The following GAL3ST2 variants were observed in gnomAD, a reference collection of about 807,000 sequenced individuals.
GAL3ST2 encodes beta-galactose-3-O-sulfotransferase 2.
Under a neutral mutation model 12.9 loss-of-function variants are expected in GAL3ST2, and 16 were observed. That is an observed-to-expected ratio of 1.24 (90% confidence interval 0.84 to 1.88). The LOEUF (loss-of-function observed/expected upper bound fraction) is 1.88, where lower values mean the gene tolerates loss of function less well. Among genes scored for constraint, GAL3ST2 ranks in the 40% most tolerant of loss-of-function variants. GAL3ST2 has a pLI of 0.00. For missense variants in GAL3ST2, 639 were observed against 571.8 expected (o/e 1.12, Z -1.20); for synonymous variants, 302 against 273.9 (o/e 1.10, Z -1.01).
At chr2:241,803,239 GGGGGT>G (rs1026014477) in intron 3 of GAL3ST2, 101 bp from the exon 4 acceptor site, 2 of 880,004 alleles carry the variant, frequency 2.3e-6, no homozygotes, top group Non-Finnish European at 3.4e-6. Flanking sequence ...ATGTGAGGAT[GGGGGT>G]GCTCCTTGAG....
Position 241,801,488 on chromosome 2 carries a change from A to C in GAL3ST2, c.120-293A>C, listed in dbSNP as rs1014541558. 7 of 494,974 alleles carry C rather than the reference A, an allele frequency of 1.4e-5. No homozygotes were observed. The highest frequency in any genetic ancestry group is 2.5e-5 in the Non-Finnish European group (7 of 278,434). The allele number at this position is 494,974 out of a possible 1,614,324, so 30.7% of individuals were successfully genotyped here. On this transcript the variant is annotated intron_variant, in intron 2 of 3. Coordinates refer to ENST00000192314, the MANE Select transcript of GAL3ST2 (RefSeq NM_022134.3). The surrounding 1 kb of genome is among the most constrained non-coding windows in gnomAD (Gnocchi z 4.4). ...GGTGGGTCTGGGGTCCCCTTGGCCAAGATGGGGTTCATTTAGGGTTTTATT... is the reference window on the plus strand; with the variant it reads ...GGTGGGTCTGGGGTCCCCTTGGCCACGATGGGGTTCATTTAGGGTTTTATT...
chr2:241,803,890 G>C lies in GAL3ST2; in HGVS notation c.921G>C (p.Val307=). 7.1e-7 allele frequency: 1 copy of C among 1,417,858 alleles called. No homozygotes were observed. Among genetic ancestry groups the C allele is most frequent in the Non-Finnish European group, 9.1e-7 (1 of 1,094,352 alleles). The allele number at this position is 1,417,858 out of a possible 1,614,324, so 87.8% of individuals were successfully genotyped here. ...ELGPRRLRGE[V]ERLRARRREL... ...GGCCGCGGCGGCTGCGCGGGGAGGT[G>C]GAGCGGCTGCGCGCCCGGAGGCGCG... The change falls in exon 4 of 4, where the codon GTG becomes GTC. Residue 307 remains valine, a synonymous_variant. Coordinates refer to ENST00000192314, the MANE Select transcript of GAL3ST2 (RefSeq NM_022134.3).
At position 241,801,916 on chromosome 2, in the gene GAL3ST2, C is replaced by T. The variant is rs780881563; in HGVS notation, c.255C>T (p.Pro85=). The T allele has an allele frequency of 7.4e-6, 12 of 1,612,856 alleles. No individual in the cohort carries two copies. Among genetic ancestry groups the T allele is most frequent in the East Asian group, 4.5e-5 (2 of 44,880 alleles). Residue 85 remains proline (P), a synonymous_variant, in exon 3 of 4, where the codon CCC becomes CCT. Coordinates refer to ENST00000192314, the MANE Select transcript of GAL3ST2 (RefSeq NM_022134.3). This position sits in a 1 kb window ranked among gnomAD's most constrained non-coding sequence, Gnocchi z 4.4. ...AETHNLSVAL[P]AGSRVHLGYP... is the part of the protein sequence containing the mutation. Reference sequence around the variant, plus strand: ...CCCACAACCTGTCCGTGGCGCTGCCCGCCGGCTCACGCGTCCACCTGGGCT... The same window carrying T: ...CCCACAACCTGTCCGTGGCGCTGCCTGCCGGCTCACGCGTCCACCTGGGCT...
intron 1 of GAL3ST2, among the ~76,000 whole-genome samples, chr2:241,790,731 G>A (rs1486597315): frequency 2.0e-5 from 3 of 152,186 alleles, no homozygotes; most frequent in Admixed American, 1.3e-4. Flanking sequence ...ACATTCTATA[G>A]AGAATCACCT....
At chr2:241,796,118 G>A (rs1161624079) in intron 1 of GAL3ST2, among the ~76,000 whole-genome samples, 1 of 152,230 alleles carries the variant, frequency 6.6e-6, no homozygotes, top group Non-Finnish European at 1.5e-5. Context: ...CACCCTTGGT[G>A]TGGAAGAAAG....
At chr2:241,794,766 G>C (rs1456463581) in intron 1 of GAL3ST2, among the ~76,000 whole-genome samples, 1 of 152,196 alleles carries the variant, frequency 6.6e-6, no homozygotes, top group Non-Finnish European at 1.5e-5. Context: ...CTTGAGGGGA[G>C]GGTCTTTGGG....
Position 241,800,497 on chromosome 2 carries a change from T to C in GAL3ST2, c.120-1284T>C, listed in dbSNP as rs544700600. 6.6e-6 allele frequency among the ~76,000 whole-genome samples: 1 copy of C among 152,316 alleles called. No homozygotes were observed. The highest frequency in any genetic ancestry group is 2.4e-5 in the African/African-American group (1 of 41,564). ...CTGAACAAACAGGTGTGTTACTTAC[T>C]TGTGACCCACGTTCACCTTGGGGTG... On this transcript the variant is annotated intron_variant, in intron 2 of 3. Transcript: ENST00000192314. This position sits in a 1 kb window ranked among gnomAD's most constrained non-coding sequence, Gnocchi z 5.2.
At chr2:241,782,399 C>T (rs1359528037) in intron 1 of GAL3ST2, among the ~76,000 whole-genome samples, 1 of 152,064 alleles carries the variant, frequency 6.6e-6, no homozygotes, top group Non-Finnish European at 1.5e-5. Context: ...AATTTCAGCT[C>T]ACTGCAACCT....
chr2:241,804,277 C>T lies in GAL3ST2; in HGVS notation c.*111C>T. 1 of 931,404 alleles carries T rather than the reference C, an allele frequency of 1.1e-6. No individual in the cohort carries two copies. The highest frequency in any genetic ancestry group is 1.5e-6 in the Non-Finnish European group (1 of 672,756). The allele number at this position is 931,404 out of a possible 1,614,324, so 57.7% of individuals were successfully genotyped here. A position where few individuals can be genotyped will look rare whatever the true frequency, so the allele number is the denominator to read the frequency against. ...TTCTGGGGCGTTGGGAAACCCAGGC[C>T]CGCCGGCCACGGCTCTAAAATGAAG... On this transcript the variant is annotated 3_prime_UTR_variant, in exon 4 of 4. Coordinates refer to ENST00000192314, the MANE Select transcript of GAL3ST2 (RefSeq NM_022134.3).
At position 241,801,834 on chromosome 2, in the gene GAL3ST2, A is replaced by G; in HGVS notation, c.173A>G (p.Lys58Arg). The G allele has an allele frequency of 6.2e-7, 1 of 1,612,906 alleles. No individual in the cohort carries two copies. Among genetic ancestry groups the G allele is most frequent in the East Asian group, 2.2e-5 (1 of 44,866 alleles). Residue 58 changes from lysine (K) to arginine (R), a missense_variant, in exon 3 of 4, where the codon AAG becomes AGG. Coordinates refer to ENST00000192314, the MANE Select transcript of GAL3ST2 (RefSeq NM_022134.3). The surrounding 1 kb of genome is among the most constrained non-coding windows in gnomAD (Gnocchi z 4.4). ...GPPVTNIMFL[K>R]THKTASSTVL... Reference sequence around the variant, plus strand: ...CCGGTCACCAACATCATGTTCCTGAAGACGCACAAGACGGCCAGCAGCACG... The same window carrying G: ...CCGGTCACCAACATCATGTTCCTGAGGACGCACAAGACGGCCAGCAGCACG...
At chr2:241,781,232 G>A (rs1044678110) in intron 1 of GAL3ST2, among the ~76,000 whole-genome samples, 5 of 152,130 alleles carry the variant, frequency 3.3e-5, no homozygotes, top group Admixed American at 2.0e-4. Flanking sequence ...ACAAAACAAA[G>A]GATCAGCAAT....
At position 241,801,108 on chromosome 2, in the gene GAL3ST2, C is replaced by T. The variant is rs1185011856; in HGVS notation, c.120-673C>T. 6.6e-6 allele frequency: 1 copy of T among 152,322 alleles called. No individual in the cohort carries two copies. The highest frequency in any genetic ancestry group is 2.4e-5 in the African/African-American group (1 of 41,380). The allele number at this position is 152,322 out of a possible 1,614,324, so 9.4% of individuals were successfully genotyped here. ...AGGTATTTGTCCTAATGCTTTCCTT[C>T]CCCTTACACCCCATCCCCGACAGGC... is the stretch of plus-strand genomic sequence containing the variant. On this transcript the variant is annotated intron_variant, in intron 2 of 3. Coordinates refer to ENST00000192314, the MANE Select transcript of GAL3ST2 (RefSeq NM_022134.3). This position sits in a 1 kb window ranked among gnomAD's most constrained non-coding sequence, Gnocchi z 4.4.
At chr2:241,789,985 A>T (rs1699675594) in intron 1 of GAL3ST2, among the ~76,000 whole-genome samples, 1 of 118,972 alleles carries the variant, frequency 8.4e-6, no homozygotes, top group Non-Finnish European at 1.7e-5. Flanking sequence ...TATAATTCTG[A>T]TATAACTTAG....
rs1293389627 is a variant in GAL3ST2 at position 241,793,400 on chromosome 2, A to G, written c.30-5665A>G. On this transcript the variant is annotated intron_variant, in intron 1 of 3. Coordinates refer to ENST00000192314, the MANE Select transcript of GAL3ST2 (RefSeq NM_022134.3). This position sits in a 1 kb window ranked among gnomAD's most constrained non-coding sequence, Gnocchi z 4.7. ...GTATTGTGTATGCATGTGTGTGTAT[A>G]TGTATGTATACATGTACGTGTGTAT... Among the ~76,000 whole-genome samples the G allele has an allele frequency of 6.6e-6, 1 of 150,976 alleles. No individual in the cohort carries two copies. Among genetic ancestry groups the G allele is most frequent in the African/African-American group, 2.4e-5 (1 of 40,952 alleles).
At position 241,801,558 on chromosome 2, in the gene GAL3ST2, GA is replaced by G. The variant is rs1195447634; in HGVS notation, c.120-222del. On this transcript the variant is annotated intron_variant, in intron 2 of 3. Transcript: ENST00000192314. This position sits in a 1 kb window ranked among gnomAD's most constrained non-coding sequence, Gnocchi z 4.4. Reference sequence around the variant, plus strand: ...GGGTTGGGGGAGCATGGTTACGGGAGACAGTTGGGGGAGTTTGTGTTCGGGC... The same window carrying G: ...GGGTTGGGGGAGCATGGTTACGGGAGCAGTTGGGGGAGTTTGTGTTCGGGC... 26 of 605,348 alleles carry G rather than the reference GA, an allele frequency of 4.3e-5. No homozygotes were observed. Among genetic ancestry groups the G allele is most frequent in the Non-Finnish European group, 6.9e-5 (24 of 345,554 alleles). The allele number at this position is 605,348 out of a possible 1,614,324, so 37.5% of individuals were successfully genotyped here. A position where few individuals can be genotyped will look rare whatever the true frequency, so the allele number is the denominator to read the frequency against.
In GAL3ST2 at chr2:241,800,079, G is replaced by T. The variant is rs559709872; in HGVS notation, c.119+925G>T. ...ACCAGGGAGAAGGCTGGGGTGATGT[G>T]TGGGCCAGAGTGTGTAGCCCCCGAG... On this transcript the variant is annotated intron_variant, in intron 2 of 3. Transcript: ENST00000192314. This position sits in a 1 kb window ranked among gnomAD's most constrained non-coding sequence, Gnocchi z 5.2. 2.7e-4 allele frequency among the ~76,000 whole-genome samples: 41 copies of T among 152,380 alleles called. No individual in the cohort carries two copies. Among genetic ancestry groups the T allele is most frequent in the African/African-American group, 9.9e-4 (41 of 41,600 alleles).
intron 1 of GAL3ST2, among the ~76,000 whole-genome samples, chr2:241,789,572 T>A (rs986843558): frequency 6.6e-6 from 1 of 152,216 alleles, no homozygotes; most frequent in Admixed American, 6.5e-5. Context: ...AAAAATATGG[T>A]CTTTATGGAT....
chr2:241,783,786 C>G (rs951574821), intron 1 of GAL3ST2, among the ~76,000 whole-genome samples: 9 of 152,232 alleles, frequency 5.9e-5, no homozygotes. Context: ...TCTGCCCTAA[C>G]TGACTCCTTG....
Position 241,803,574 on chromosome 2 carries a change from A to G in GAL3ST2, c.605A>G (p.Asn202Ser). 1 of 1,594,698 alleles carries G rather than the reference A, an allele frequency of 6.3e-7. No homozygotes were observed. Among genetic ancestry groups the G allele is most frequent in the Non-Finnish European group, 8.5e-7 (1 of 1,170,242 alleles). The change falls in exon 4 of 4, where the codon AAC becomes AGC. Residue 202 changes from asparagine (N) to serine (S), a missense_variant. By Grantham distance (46) the Asn-to-Ser change is conservative. Coordinates refer to ENST00000192314, the MANE Select transcript of GAL3ST2 (RefSeq NM_022134.3). ...NMWFDFGFDP[N>S]AQCEEGYVRA... ...TGGTTCGACTTCGGCTTCGACCCCAACGCGCAGTGCGAGGAGGGCTACGTG... is the reference window on the plus strand; with the variant it reads ...TGGTTCGACTTCGGCTTCGACCCCAGCGCGCAGTGCGAGGAGGGCTACGTG...
Sources: gnomAD v4.1 joint callset for allele counts (sites outside exome capture counted in the v4.1 genomes callset) on GRCh38, gnomAD v4.1.1 for gene constraint, Gnocchi (gnomAD v3.1) non-coding constraint, MANE v1.5 for transcripts, NCBI Gene and HGNC (gene_info 2026-07-23, HGNC 2026-07-21) for gene names.